The following RNF13 variants were observed in gnomAD, a reference collection of about 807,000 sequenced individuals.
RNF13 encodes ring finger protein 13, also known as E3 ubiquitin-protein ligase RNF13.
RNF13 carries 19 observed loss-of-function variants against 37.7 expected under a neutral mutation model. The ratio of observed to expected loss-of-function variants is 0.50; its 90% CI spans 0.35 to 0.74. The LOEUF is 0.74. RNF13 is among the 30% of genes least tolerant of loss of function. The probability of loss-of-function intolerance (pLI) is 0.01; values close to 1 mark genes in which losing one functional copy is unlikely to be tolerated. For synonymous variants in RNF13, 144 were observed against 157.8 expected (o/e 0.91, Z 0.65); for missense variants, 375 against 453.0 (o/e 0.83, Z 1.56).
intron 3 of RNF13, among the ~76,000 whole-genome samples, chr3:149,857,162 C>A (rs750227221): frequency 2.2e-4 from 33 of 152,156 alleles, no homozygotes; most frequent in Non-Finnish European, 4.1e-4. Context: ...CCATCAGAAT[C>A]ATTTATAAGA....
intron 5 of RNF13, among the ~76,000 whole-genome samples, chr3:149,896,574 G>A (rs1715295550): frequency 6.6e-6 from 1 of 151,664 alleles, no homozygotes; most frequent in South Asian, 2.1e-4. Context: ...CTGCCTCCTG[G>A]GTTCAAGCGA....
chr3:149,923,574 G>A (rs1362873598), intron 8 of RNF13, among the ~76,000 whole-genome samples: 4 of 151,990 alleles, frequency 2.6e-5, no homozygotes, highest in Admixed American at 1.3e-4. Context: ...AGACCATCCT[G>A]GCCAACATGG....
chr3:149,850,533 G>A (rs1723037311), intron 2 of RNF13, among the ~76,000 whole-genome samples: 2 of 152,210 alleles, frequency 1.3e-5, no homozygotes, highest in Non-Finnish European at 2.9e-5. Context: ...TACAAGTACT[G>A]TAGTTCAAGC....
At chr3:149,835,653 GTGTGTGTGTGTGTT>G (rs1270083154) in intron 1 of RNF13, among the ~76,000 whole-genome samples, 83 of 151,262 alleles carry the variant, frequency 5.5e-4, no homozygotes, top group African/African-American at 2.0e-3. Context: ...GTGTGTGTGT[GTGTGTGTGTGTGTT>G]TGTGTGTGTG....
intron 3 of RNF13, among the ~76,000 whole-genome samples, chr3:149,861,604 G>T (rs980833841): frequency 1.3e-5 from 2 of 152,120 alleles, no homozygotes; most frequent in African/African-American, 4.8e-5. Flanking sequence ...AGAGTAGATT[G>T]ATAGATACCA....
At chr3:149,895,445 A>C in intron 4 of RNF13, 28 bp from the exon 5 acceptor site, 1 of 1,102,664 alleles carries the variant, frequency 9.1e-7, no homozygotes, top group Non-Finnish European at 1.3e-6. Context: ...TTATAACATA[A>C]TTTTTTTTTT....
intron 3 of RNF13, 65 bp from the exon 4 acceptor site, chr3:149,871,964 G>C: frequency 7.3e-7 from 1 of 1,377,476 alleles, no homozygotes; most frequent in Non-Finnish European, 9.9e-7. Flanking sequence ...AAAGATATTT[G>C]TAGAAGTAAG....
At chr3:149,849,548 G>A (rs1468641201) in intron 2 of RNF13, among the ~76,000 whole-genome samples, 1 of 152,168 alleles carries the variant, frequency 6.6e-6, no homozygotes, top group Admixed American at 6.5e-5. Context: ...TTCTTAAGTC[G>A]CAGTTAACTT....
intron 8 of RNF13, among the ~76,000 whole-genome samples, chr3:149,937,044 G>C (rs906243007): frequency 3.3e-5 from 5 of 152,138 alleles, no homozygotes; most frequent in African/African-American, 1.2e-4. Flanking sequence ...AGGAGTTTGT[G>C]CGCAGAGGAC....
intron 8 of RNF13, chr3:149,939,061 A>G (rs1719992128): frequency 6.0e-6 from 3 of 495,952 alleles, no homozygotes; most frequent in South Asian, 3.1e-5. Flanking sequence ...CACTCCTCAC[A>G]TAATTGATGA....
At position 149,960,976 on chromosome 3, in the gene RNF13, G is replaced by A. The variant is rs573073209; in HGVS notation, c.1018G>A (p.Asp340Asn). The stretch of plus-strand genomic sequence containing the variant: ...ACATCAGAACATGACAGAATCTTCA[G>A]ACTATGAGGAAGACGACAATGAAGA... ...RSHQNMTESS[D>N]YEEDDNEDTD... Residue 340 changes from aspartate (D) to asparagine (N), a missense_variant, in exon 10 of 10, where the codon GAC becomes AAC. Coordinates refer to ENST00000392894, the MANE Select transcript of RNF13 (RefSeq NM_183381.3). The A allele has an allele frequency of 2.5e-4, 405 of 1,614,194 alleles. 3 individuals are homozygous for A. In the South Asian group the frequency reaches 4.4e-3, roughly 17 times the overall value.
rs199606748 is a variant in RNF13, at chr3:149,961,017, T to C, written c.1059T>C (p.Asp353=). The C allele has an allele frequency of 4.3e-6, 7 of 1,614,214 alleles. No homozygotes were observed. The African/African-American group carries it at 6.7e-5, about 15-fold the overall frequency. The change falls in exon 10 of 10, where the codon GAT becomes GAC. Residue 353 remains aspartate, a synonymous_variant. Transcript: ENST00000392894. The stretch of plus-strand genomic sequence containing the variant: ...ACAATGAAGATACTGACAGTAGTGA[T>C]GCAGAAAATGAAATTAATGAACATG... ...EDDNEDTDSS[D]AENEINEHDV... is the part of the protein sequence containing the mutation.
intron 8 of RNF13, among the ~76,000 whole-genome samples, chr3:149,932,592 C>G (rs1320115291): frequency 6.6e-6 from 1 of 152,206 alleles, no homozygotes; most frequent in Middle Eastern, 3.2e-3. Context: ...GAAATAGGCC[C>G]CACACAAGTC....
At chr3:149,828,899 G>C (rs1720761264) in intron 1 of RNF13, among the ~76,000 whole-genome samples, 1 of 152,090 alleles carries the variant, frequency 6.6e-6, no homozygotes, top group South Asian at 2.1e-4. Flanking sequence ...ATTTATTTTT[G>C]TCACAGGCGC....
intron 7 of RNF13, among the ~76,000 whole-genome samples, chr3:149,914,764 C>T (rs1046203132): frequency 5.9e-5 from 9 of 151,826 alleles, no homozygotes; most frequent in South Asian, 2.1e-4. Flanking sequence ...ATGGTGAAAC[C>T]GCGTCTCTAC....
intron 1 of RNF13, among the ~76,000 whole-genome samples, chr3:149,835,603 A>C (rs890949773): frequency 6.8e-6 from 1 of 147,968 alleles, no homozygotes; most frequent in African/African-American, 2.5e-5. Flanking sequence ...GCCATTAATT[A>C]ATTCATTTTT....
chr3:149,846,489 G>A (rs983328622), intron 2 of RNF13, among the ~76,000 whole-genome samples: 1 of 152,098 alleles, frequency 6.6e-6, no homozygotes, highest in African/African-American at 2.4e-5. Flanking sequence ...ATTTTTAATA[G>A]AGACAGGGTT....
At chr3:149,939,838 G>T in intron 8 of RNF13, 1 of 505,118 alleles carries the variant, frequency 2.0e-6, no homozygotes, top group Non-Finnish European at 3.8e-6. Flanking sequence ...AAGGTGGACA[G>T]AGATAAACGA....
intron 4 of RNF13, among the ~76,000 whole-genome samples, chr3:149,877,786 A>T (rs1370774229): frequency 1.3e-5 from 2 of 152,152 alleles, no homozygotes; most frequent in Non-Finnish European, 2.9e-5. Context: ...TGTTTAAAAG[A>T]TTCCACTAAA....
Sources: gnomAD v4.1 joint callset for allele counts (sites outside exome capture counted in the v4.1 genomes callset) on GRCh38, gnomAD v4.1.1 for gene constraint, MANE v1.5 for transcripts, NCBI Gene and HGNC (gene_info 2026-07-23, HGNC 2026-07-21) for gene names.